The following SORCS3 variants were observed in gnomAD, a reference collection of about 807,000 sequenced individuals.
SORCS3 encodes sortilin related VPS10 domain containing receptor 3.
A neutral mutation model predicts 146.3 loss-of-function variants in SORCS3; 57 were observed. The ratio of observed to expected loss-of-function variants is 0.39; its 90% CI spans 0.31 to 0.49. The LOEUF (loss-of-function observed/expected upper bound fraction) is 0.49, where lower values mean the gene tolerates loss of function less well. SORCS3 is among the 20% of genes least tolerant of loss of function. The pLI, the probability that SORCS3 is intolerant of heterozygous loss-of-function variation, is 0.92. For missense variants in SORCS3, 1,341 were observed against 1,575.5 expected, an observed-to-expected ratio of 0.85 and a Z score of 2.52; for synonymous variants, 653 against 618.5, an observed-to-expected ratio of 1.06 and a Z score of -0.83.
At chr10:105,227,820 T>A (rs1047878620) in intron 20 of SORCS3, among the ~76,000 whole-genome samples, 1 of 152,106 alleles carries the variant, frequency 6.6e-6, no homozygotes, top group Non-Finnish European at 1.5e-5. Flanking sequence ...TTTTGTTTTT[T>A]ATTTTTTTTT....
chr10:105,024,803 G>T (rs2055216715), intron 4 of SORCS3, among the ~76,000 whole-genome samples: 1 of 152,068 alleles, frequency 6.6e-6, no homozygotes, highest in Non-Finnish European at 1.5e-5. Flanking sequence ...ATTAAACAAA[G>T]GTGTTTTCTG....
Position 105,070,264 on chromosome 10 carries a change from T to C in SORCS3, c.1029-19511T>C, listed in dbSNP as rs560700386. 2.6e-4 allele frequency among the ~76,000 whole-genome samples: 40 copies of C among 152,346 alleles called. 1 individual carries two copies. The South Asian group carries it at 5.4e-3, about 21-fold the overall frequency. On this transcript the variant is annotated intron_variant, in intron 5 of 26. Coordinates refer to ENST00000369701, the MANE Select transcript of SORCS3 (RefSeq NM_014978.3). ...TGTCTTACTAGACCTATATCATAGT[T>C]GAGGAAACTAAGGTTGAGAGTGGTT... is the stretch of plus-strand genomic sequence containing the variant.
At chr10:105,131,197 T>C (rs536204365) in intron 7 of SORCS3, among the ~76,000 whole-genome samples, 1 of 152,294 alleles carries the variant, frequency 6.6e-6, no homozygotes, top group East Asian at 1.9e-4. Context: ...TTATAAATAA[T>C]ATGAACTGAA....
intron 20 of SORCS3, among the ~76,000 whole-genome samples, chr10:105,240,565 C>T (rs1014121024): frequency 2.0e-5 from 3 of 152,168 alleles, no homozygotes; most frequent in African/African-American, 7.2e-5. Context: ...ATGCTTTATT[C>T]ATTTCAAAGT....
intron 2 of SORCS3, among the ~76,000 whole-genome samples, chr10:104,856,069 C>T (rs559978980): frequency 5.6e-4 from 85 of 152,126 alleles, no homozygotes; most frequent in African/African-American, 1.7e-3. Flanking sequence ...GAACTCAGCA[C>T]GGTGCTAGGC....
intron 1 of SORCS3, among the ~76,000 whole-genome samples, chr10:104,794,622 G>GGAGAGAGAGAGAGAGA (rs371695559): frequency 2.9e-4 from 12 of 41,274 alleles, no homozygotes; most frequent in Admixed American, 8.2e-4. Context: ...AGAGAGGGAG[G>GGAGAGAGAGAGAGAGA]GAGAGAGAGA....
At chr10:105,170,704 G>A (rs2056352612) in intron 13 of SORCS3, among the ~76,000 whole-genome samples, 1 of 152,170 alleles carries the variant, frequency 6.6e-6, no homozygotes, top group South Asian at 2.1e-4. Flanking sequence ...GCCAGCTGTT[G>A]AGTATATGTG....
At chr10:105,019,069 T>TA (rs1208489222) in intron 4 of SORCS3, among the ~76,000 whole-genome samples, 2 of 152,314 alleles carry the variant, frequency 1.3e-5, no homozygotes, top group South Asian at 2.1e-4. Flanking sequence ...CCTCATTTTT[T>TA]ATCTTTGTTT....
intron 25 of SORCS3, 43 bp from the exon 26 acceptor site, chr10:105,262,288 A>C: frequency 6.3e-7 from 1 of 1,582,668 alleles, no homozygotes; most frequent in Non-Finnish European, 8.6e-7. Context: ...CAAGTTTGGC[A>C]CACCCTGTGA....
intron 1 of SORCS3, among the ~76,000 whole-genome samples, chr10:104,701,056 T>C (rs1006614872): frequency 1.3e-5 from 2 of 152,234 alleles, no homozygotes; most frequent in Non-Finnish European, 2.9e-5. Context: ...CCATCTTGCA[T>C]TTGCTGTACT....
chr10:104,885,530 C>A (rs1448396847), intron 2 of SORCS3, among the ~76,000 whole-genome samples: 2 of 152,092 alleles, frequency 1.3e-5, no homozygotes, highest in Non-Finnish European at 2.9e-5. Context: ...AGGACCGGAA[C>A]AGTGTTAATG....
At chr10:104,883,234 C>T (rs1200978157) in intron 2 of SORCS3, among the ~76,000 whole-genome samples, 4 of 152,184 alleles carry the variant, frequency 2.6e-5, no homozygotes, top group African/African-American at 9.7e-5. Context: ...CCTAATTAAT[C>T]ACAAGCTATC....
chr10:104,660,396 G>C (rs988669520), intron 1 of SORCS3, among the ~76,000 whole-genome samples: 1 of 152,196 alleles, frequency 6.6e-6, no homozygotes, highest in Non-Finnish European at 1.5e-5. Flanking sequence ...TTAACATTTA[G>C]GTAGTGGAGG....
chr10:105,164,308 A>G lies in SORCS3; in HGVS notation c.1738A>G (p.Ile580Val), dbSNP rs751183145. Residue 580 changes from isoleucine to valine, a missense_variant, in exon 12 of 27, where the codon ATT (isoleucine) becomes GTT (valine). Transcript: ENST00000369701. The part of the protein sequence containing the change: ...APGLVVATGN[I>V]GPELSYTDIG... ...ATGATCTGCTTATGTTTCAGGCAACATTGGCCCGGAGCTCTCATATACTGA... is the reference window on the plus strand; with the variant it reads ...ATGATCTGCTTATGTTTCAGGCAACGTTGGCCCGGAGCTCTCATATACTGA... 1.9e-6 allele frequency: 3 copies of G among 1,613,156 alleles called. No homozygotes were observed. The highest frequency in any genetic ancestry group is 2.5e-6 in the Non-Finnish European group (3 of 1,179,246).
chr10:105,104,014 T>C (rs2133752205), intron 6 of SORCS3, among the ~76,000 whole-genome samples: 1 of 152,310 alleles, frequency 6.6e-6, no homozygotes, highest in South Asian at 2.1e-4. Flanking sequence ...GCTGAATCCA[T>C]CCATAATTAC....
intron 7 of SORCS3, among the ~76,000 whole-genome samples, chr10:105,124,675 C>T (rs1285782920): frequency 1.3e-5 from 2 of 152,088 alleles, no homozygotes; most frequent in Non-Finnish European, 2.9e-5. Flanking sequence ...ATGCTTTCCT[C>T]CTTCTCTTCT....
At chr10:105,033,890 AT>A (rs2055287173) in intron 4 of SORCS3, among the ~76,000 whole-genome samples, 1 of 152,190 alleles carries the variant, frequency 6.6e-6, no homozygotes, top group Non-Finnish European at 1.5e-5. Context: ...ATTTTTACAA[AT>A]TCGGAAAAGG....
chr10:104,804,674 C>T (rs1325664274), intron 1 of SORCS3, among the ~76,000 whole-genome samples: 1 of 152,152 alleles, frequency 6.6e-6, no homozygotes, highest in African/African-American at 2.4e-5. Flanking sequence ...GATCTTAATG[C>T]ATTTATTTTG....
chr10:104,867,768 C>T (rs918506046), intron 2 of SORCS3, among the ~76,000 whole-genome samples: 5 of 152,244 alleles, frequency 3.3e-5, no homozygotes, highest in Non-Finnish European at 4.4e-5. Context: ...GGATACAGGC[C>T]TTCAAAGGCA....
Sources: gnomAD v4.1 joint callset for allele counts (sites outside exome capture counted in the v4.1 genomes callset) on GRCh38, gnomAD v4.1.1 for gene constraint, MANE v1.5 for transcripts, NCBI Gene and HGNC (gene_info 2026-07-23, HGNC 2026-07-21) for gene names.